The following CRADD variants were observed in gnomAD, a reference collection of about 807,000 sequenced individuals.
CRADD encodes CARD and death domain containing adaptor protein, also known as death domain-containing protein CRADD.
CRADD carries 9 observed loss-of-function variants against 15.5 expected under a neutral mutation model. The observed-to-expected ratio is 0.58, with a 90% CI of 0.35 to 1.01. The LOEUF is 1.01. CRADD is among the 50% of genes least tolerant of loss of function. The pLI is 0.02. For missense variants in CRADD, 227 were observed against 250.3 expected, an observed-to-expected ratio of 0.91 and a Z score of 0.63; for synonymous variants, 118 against 107.6, an observed-to-expected ratio of 1.10 and a Z score of -0.60.
intron 2 of CRADD, among the ~76,000 whole-genome samples, chr12:93,856,088 G>C (rs573169942): frequency 1.3e-5 from 2 of 152,358 alleles, no homozygotes; most frequent in South Asian, 4.1e-4. Flanking sequence ...TTACAGGCGT[G>C]AGCCACTGCG....
chr12:93,847,305 G>A (rs909444807), intron 2 of CRADD, among the ~76,000 whole-genome samples: 1 of 150,884 alleles, frequency 6.6e-6, no homozygotes, highest in Non-Finnish European at 1.5e-5. Flanking sequence ...ACTTTTAAGG[G>A]AAATAACATT....
chr12:93,892,792 T>G (rs11107241), intron 2 of CRADD, among the ~76,000 whole-genome samples: 14,422 of 152,214 alleles, frequency 0.095, 937 homozygotes, highest in Non-Finnish European at 0.14. Flanking sequence ...TGCTCTCCCG[T>G]GCTCCCCCTC....
chr12:93,735,393 A>G (rs1037073448), intron 2 of CRADD, among the ~76,000 whole-genome samples: 5 of 152,258 alleles, frequency 3.3e-5, no homozygotes, highest in Admixed American at 2.6e-4. Flanking sequence ...TACAGAGCCT[A>G]GGGAAAATAG....
At chr12:93,842,271 C>T (rs1307038685) in intron 2 of CRADD, among the ~76,000 whole-genome samples, 1 of 152,144 alleles carries the variant, frequency 6.6e-6, no homozygotes. Context: ...TGTGGACTGT[C>T]CTTCACTCAC....
intron 2 of CRADD, among the ~76,000 whole-genome samples, chr12:93,859,750 G>T (rs1351884124): frequency 6.6e-6 from 1 of 151,680 alleles, no homozygotes; most frequent in African/African-American, 2.4e-5. Flanking sequence ...TAAGAGACAG[G>T]GTCTCACTCT....
At chr12:93,891,509 C>T (rs559771145) in intron 2 of CRADD, among the ~76,000 whole-genome samples, 1 of 152,262 alleles carries the variant, frequency 6.6e-6, no homozygotes, top group South Asian at 2.1e-4. Context: ...TAAATCTCTT[C>T]AAATATTTTA....
intron 2 of CRADD, among the ~76,000 whole-genome samples, chr12:93,773,887 C>T (rs1957113606): frequency 7.7e-6 from 1 of 129,308 alleles, no homozygotes; most frequent in African/African-American, 3.0e-5. Flanking sequence ...GTGTGGTTGT[C>T]CAGGCTCTAG....
At chr12:93,783,537 T>C (rs757118516) in intron 2 of CRADD, among the ~76,000 whole-genome samples, 2 of 152,192 alleles carry the variant, frequency 1.3e-5, no homozygotes, top group Non-Finnish European at 2.9e-5. Flanking sequence ...TGGTTGTTAC[T>C]GTAACAATTA....
chr12:93,683,013 A>G lies in CRADD; in HGVS notation c.298+3941A>G, dbSNP rs560419593. 4.6e-5 allele frequency among the ~76,000 whole-genome samples: 7 copies of G among 152,226 alleles called. No homozygotes were observed. In the East Asian group the frequency reaches 1.4e-3, roughly 29 times the overall value. On this transcript the variant is annotated intron_variant, in intron 2 of 2. Transcript: ENST00000332896. ...ATACTAGACATTAGATCAGCTGGAAATCCTCTCTGGGCTCCTGTCAGGTCA... is the reference window on the plus strand; with the variant it reads ...ATACTAGACATTAGATCAGCTGGAAGTCCTCTCTGGGCTCCTGTCAGGTCA...
chr12:93,819,770 A>G (rs947942843), intron 2 of CRADD, among the ~76,000 whole-genome samples: 4 of 152,236 alleles, frequency 2.6e-5, no homozygotes, highest in African/African-American at 7.2e-5. Flanking sequence ...CCGAAGGAGA[A>G]TCAGTGAAAA....
At chr12:93,713,778 T>G (rs187440105) in intron 2 of CRADD, among the ~76,000 whole-genome samples, 130 of 152,340 alleles carry the variant, frequency 8.5e-4, no homozygotes, top group African/African-American at 3.0e-3. Context: ...AATGTAAATA[T>G]CTCATGATTT....
At chr12:93,813,739 G>A (rs1455226748) in intron 2 of CRADD, among the ~76,000 whole-genome samples, 2 of 152,138 alleles carry the variant, frequency 1.3e-5, no homozygotes, top group Non-Finnish European at 2.9e-5. Flanking sequence ...GGACATTAAG[G>A]AACCACTGTC....
rs548425637 is a variant in CRADD, at chr12:93,815,324, A to G, written c.299-34646A>G. ...TCTCCAAAAAATCAAATTATAGCAAACACTAATGATGTTTGAGTCACTAAG... is the reference window on the plus strand; with the variant it reads ...TCTCCAAAAAATCAAATTATAGCAAGCACTAATGATGTTTGAGTCACTAAG... On this transcript the variant is annotated intron_variant, in intron 2 of 2. Transcript: ENST00000332896. 17 of 152,302 alleles carry G rather than the reference A, an allele frequency of 1.1e-4. 1 individual carries two copies. In the South Asian group the frequency reaches 3.3e-3, roughly 30 times the overall value. 9.4% of individuals were successfully genotyped at this position (152,302 alleles called of 1,614,324 possible).
intron 2 of CRADD, 86 bp from the exon 3 acceptor site, chr12:93,849,881 CCTT>C (rs1282242512): frequency 3.7e-6 from 3 of 803,330 alleles, no homozygotes; most frequent in Non-Finnish European, 6.5e-6. Context: ...GGAAGCATTG[CCTT>C]CTTCTCCCCA....
intron 2 of CRADD, among the ~76,000 whole-genome samples, chr12:93,692,418 C>G (rs938633575): frequency 6.6e-6 from 1 of 152,040 alleles, no homozygotes; most frequent in East Asian, 1.9e-4. Flanking sequence ...CTACACTAAG[C>G]CTTATTATAA....
chr12:93,685,660 C>T (rs1451146041), intron 2 of CRADD, among the ~76,000 whole-genome samples: 1 of 152,122 alleles, frequency 6.6e-6, no homozygotes, highest in African/African-American at 2.4e-5. Context: ...AAAACCATTA[C>T]TTACATTTAA....
intron 2 of CRADD, among the ~76,000 whole-genome samples, chr12:93,768,911 A>G (rs1045016247): frequency 6.6e-6 from 1 of 152,002 alleles, no homozygotes; most frequent in African/African-American, 2.4e-5. Flanking sequence ...CGTAAATGAA[A>G]TGTCTGTAGT....
chr12:93,763,199 G>C (rs61929003), intron 2 of CRADD, among the ~76,000 whole-genome samples: 6,529 of 152,294 alleles, frequency 0.043, 201 homozygotes, highest in Non-Finnish European at 0.064. Context: ...GCTGACTTCT[G>C]ACCTGACCTT....
chr12:93,887,455 T>C (rs138044392), intron 2 of CRADD, among the ~76,000 whole-genome samples: 4 of 152,268 alleles, frequency 2.6e-5, no homozygotes, highest in African/African-American at 9.6e-5. Context: ...CAAGAAGAAA[T>C]TAAGCGAAAC....
Sources: allele counts gnomAD v4.1 joint callset (sites outside exome capture counted in the v4.1 genomes callset), GRCh38; gene constraint gnomAD v4.1.1; transcripts MANE v1.5; gene names NCBI Gene and HGNC (gene_info 2026-07-23, HGNC 2026-07-21).